The following ARL15 variants were observed in gnomAD, a reference collection of about 807,000 sequenced individuals.
The protein encoded by ARL15 is ADP-ribosylation factor-like protein 15.
Under a neutral mutation model 25.2 loss-of-function variants are expected in ARL15, and 19 were observed. The ratio of observed to expected loss-of-function variants is 0.75; its 90% CI spans 0.53 to 1.10. ARL15 has a LOEUF of 1.10. Ranked by LOEUF, ARL15 falls within the 50% of genes least tolerant of loss-of-function variation. The pLI is 0.00. For missense variants in ARL15, 220 were observed against 246.0 expected (o/e 0.89, Z 0.71); for synonymous variants, 94 against 86.8 (o/e 1.08, Z -0.46).
chr5:54,023,185 A>T (rs1359736584), intron 4 of ARL15, among the ~76,000 whole-genome samples: 1 of 152,156 alleles, frequency 6.6e-6, no homozygotes, highest in Non-Finnish European at 1.5e-5. Flanking sequence ...GTAGAGAGAG[A>T]TAATAATTTT....
chr5:54,310,145 G>C, intron 1 of ARL15: 1 of 416,538 alleles, frequency 2.4e-6, no homozygotes, highest in Non-Finnish European at 4.3e-6. Context: ...CGCGGGCAGG[G>C]GACGCGCCGC....
intron 4 of ARL15, among the ~76,000 whole-genome samples, chr5:54,034,575 T>C (rs77228321): frequency 0.012 from 1,769 of 152,280 alleles, 42 homozygotes; most frequent in African/African-American, 0.041. Context: ...TAGGCAGGCA[T>C]AACAAATTTC....
At chr5:54,086,204 G>A (rs956406437) in intron 4 of ARL15, among the ~76,000 whole-genome samples, 3 of 152,052 alleles carry the variant, frequency 2.0e-5, no homozygotes, top group Admixed American at 6.6e-5. Flanking sequence ...ATGAGCCACC[G>A]TACTTGGCCT....
intron 1 of ARL15, chr5:54,285,297 G>A (rs1223194583): frequency 4.9e-6 from 4 of 814,192 alleles, no homozygotes; most frequent in Admixed American, 6.2e-5. Flanking sequence ...GAATGCCTAA[G>A]ACAGAAAAAG....
chr5:53,984,025 A>G (rs964783695), intron 4 of ARL15, among the ~76,000 whole-genome samples: 2 of 152,114 alleles, frequency 1.3e-5, no homozygotes, highest in Non-Finnish European at 2.9e-5. Flanking sequence ...TATGTGCACA[A>G]ACTTTTCTTC....
chr5:54,080,809 C>G (rs746949758), intron 4 of ARL15, among the ~76,000 whole-genome samples: 1 of 152,156 alleles, frequency 6.6e-6, no homozygotes. Flanking sequence ...TCTCTTCATT[C>G]ATCAGAAGAA....
intron 4 of ARL15, among the ~76,000 whole-genome samples, chr5:54,050,270 C>A (rs1323114384): frequency 6.6e-6 from 1 of 152,186 alleles, no homozygotes; most frequent in Non-Finnish European, 1.5e-5. Context: ...TATAAACACA[C>A]AAGGGAATTA....
At chr5:54,004,782 T>C (rs4334835) in intron 4 of ARL15, among the ~76,000 whole-genome samples, 1 of 148,514 alleles carries the variant, frequency 6.7e-6, no homozygotes, top group Non-Finnish European at 1.5e-5. Flanking sequence ...ATTTTGTGTG[T>C]GTGTGCCTGT....
At chr5:53,905,870 G>A (rs1745234710) in intron 4 of ARL15, among the ~76,000 whole-genome samples, 2 of 152,150 alleles carry the variant, frequency 1.3e-5, no homozygotes, top group African/African-American at 4.8e-5. Flanking sequence ...GCCTCTATGT[G>A]TCCACAAACT....
intron 4 of ARL15, among the ~76,000 whole-genome samples, chr5:54,039,154 A>G (rs1750257188): frequency 6.6e-6 from 1 of 152,172 alleles, no homozygotes; most frequent in African/African-American, 2.4e-5. Flanking sequence ...TCATCCATGC[A>G]TGTACGTAGG....
At chr5:54,269,838 G>C (rs917524058) in intron 1 of ARL15, among the ~76,000 whole-genome samples, 2 of 151,954 alleles carry the variant, frequency 1.3e-5, no homozygotes, top group Non-Finnish European at 2.9e-5. Context: ...ATAGAGACAG[G>C]GTGTCACTAT....
intron 1 of ARL15, among the ~76,000 whole-genome samples, chr5:54,303,756 AG>A (rs1442887088): frequency 1.6e-5 from 2 of 123,226 alleles, no homozygotes; most frequent in Admixed American, 1.9e-4. Flanking sequence ...AGGGGAAAGG[AG>A]GGGAAGGGAG....
intron 1 of ARL15, chr5:54,282,185 T>C (rs879668136): frequency 1.3e-5 from 12 of 909,918 alleles, no homozygotes; most frequent in Non-Finnish European, 1.6e-5. Context: ...TAGAGGATAA[T>C]TGCCATCACT....
chr5:54,087,701 T>C (rs1482605026), intron 4 of ARL15, among the ~76,000 whole-genome samples: 1 of 30,388 alleles, frequency 3.3e-5, no homozygotes, highest in East Asian at 2.5e-3. Flanking sequence ...CCAGTAACAC[T>C]GCTACATCTA....
intron 4 of ARL15, among the ~76,000 whole-genome samples, chr5:54,053,480 G>C (rs1750762770): frequency 6.6e-6 from 1 of 151,648 alleles, no homozygotes; most frequent in Non-Finnish European, 1.5e-5. Flanking sequence ...AAACAGTAGA[G>C]TATGAAAAAA....
chr5:54,088,990 A>G (rs80119575), intron 4 of ARL15, among the ~76,000 whole-genome samples: 4,316 of 152,272 alleles, frequency 0.028, 213 homozygotes, highest in African/African-American at 0.1. Context: ...GAAGAACAAC[A>G]GTCATATGGA....
At chr5:54,131,574 ACTTT>A (rs1421129541) in intron 3 of ARL15, among the ~76,000 whole-genome samples, 3 of 152,160 alleles carry the variant, frequency 2.0e-5, no homozygotes, top group Non-Finnish European at 4.4e-5. Flanking sequence ...GTCATGCGTA[ACTTT>A]CTATTTTGTA....
Position 53,884,323 on chromosome 5 carries a change from T to C in ARL15, c.*2238A>G, listed in dbSNP as rs1483177431. On this transcript the variant is annotated 3_prime_UTR_variant, in exon 5 of 5. Coordinates refer to ENST00000504924, the MANE Select transcript of ARL15 (RefSeq NM_019087.3). ...ACACCTGTGGCACTTTACATGAAAGTAGGAAAAGGGACTTACACTCCCACC... is the reference window on the plus strand; with the variant it reads ...ACACCTGTGGCACTTTACATGAAAGCAGGAAAAGGGACTTACACTCCCACC... The C allele has an allele frequency of 6.6e-6, 1 of 151,778 alleles. No individual in the cohort carries two copies. The highest frequency in any genetic ancestry group is 1.5e-5 in the Non-Finnish European group (1 of 67,950). The allele number at this position is 151,778 out of a possible 1,614,324, so 9.4% of individuals were successfully genotyped here. A position where few individuals can be genotyped will look rare whatever the true frequency, so the allele number is the denominator to read the frequency against.
At chr5:54,223,290 A>G (rs1756430083) in intron 1 of ARL15, among the ~76,000 whole-genome samples, 1 of 152,152 alleles carries the variant, frequency 6.6e-6, no homozygotes, top group Non-Finnish European at 1.5e-5. Context: ...CTTGGTTAAA[A>G]AAGACCACCT....
Sources: gnomAD v4.1 joint callset for allele counts (sites outside exome capture counted in the v4.1 genomes callset) on GRCh38, gnomAD v4.1.1 for gene constraint, MANE v1.5 for transcripts, NCBI Gene and HGNC (gene_info 2026-07-23, HGNC 2026-07-21) for gene names.